The following BPTF variants were observed in gnomAD, a reference collection of about 807,000 sequenced individuals.
The protein encoded by BPTF is bromodomain PHD finger transcription factor.
In BPTF, 18 loss-of-function variants were observed where a neutral mutation model predicts 292.5. The ratio of observed to expected loss-of-function variants is 0.06; its 90% CI spans 0.04 to 0.09. The LOEUF is 0.09. Among genes scored for constraint, BPTF ranks in the 10% least tolerant of loss-of-function variants. The probability of loss-of-function intolerance (pLI) is 1.00; values close to 1 mark genes in which losing one functional copy is unlikely to be tolerated. For synonymous variants in BPTF, 1,225 were observed against 1,251.9 expected (o/e 0.98, Z 0.45); for missense variants, 2,726 against 3,498.7 (o/e 0.78, Z 5.57).
At position 67,904,829 on chromosome 17, in the gene BPTF, C is replaced by T. The variant is rs1331300950; in HGVS notation, c.2801C>T (p.Ser934Leu). The T allele has an allele frequency of 9.3e-6, 15 of 1,610,426 alleles. No homozygotes were observed. The Admixed American group carries it at 1.5e-4, about 16-fold the overall frequency. ...PGNTNVNYRKSLEGTKNNMDE... is the reference protein window; with the variant it reads ...PGNTNVNYRKLLEGTKNNMDE... ...AATACTAATGTGAATTACAGAAAGTCGTTAGAAGGAAGTAAGTAATTAAAA... is the reference window on the plus strand; with the variant it reads ...AATACTAATGTGAATTACAGAAAGTTGTTAGAAGGAAGTAAGTAATTAAAA... Residue 934 changes from serine (S) to leucine (L), a missense_variant, in exon 9 of 28, where the codon TCG (serine) becomes TTG (leucine). Coordinates refer to ENST00000306378, the MANE Select transcript of BPTF (RefSeq NM_182641.4).
At chr17:67,873,479 A>G (rs2059875806) in intron 3 of BPTF, among the ~76,000 whole-genome samples, 1 of 152,050 alleles carries the variant, frequency 6.6e-6, no homozygotes, top group African/African-American at 2.4e-5. Context: ...AAAAAGAAAA[A>G]GAAAAACCGT....
At chr17:67,981,517 A>AT in intron 27 of BPTF, 1 of 1,136,966 alleles carries the variant, frequency 8.8e-7, no homozygotes, top group South Asian at 1.8e-5. Context: ...GTACCTCGTG[A>AT]TTACCTAATT....
chr17:67,934,640 C>A (rs1468650624), intron 18 of BPTF, among the ~76,000 whole-genome samples: 1 of 151,792 alleles, frequency 6.6e-6, no homozygotes, highest in Non-Finnish European at 1.5e-5. Context: ...CATTGGGAGG[C>A]CGGCGGGTGG....
intron 19 of BPTF, among the ~76,000 whole-genome samples, chr17:67,942,027 C>T (rs1014794855): frequency 3.3e-5 from 5 of 152,214 alleles, no homozygotes; most frequent in South Asian, 4.1e-4. Context: ...AGGCAAGGTG[C>T]GGTGGCTCAC....
intron 1 of BPTF, among the ~76,000 whole-genome samples, chr17:67,838,260 A>G (rs1318528559): frequency 6.6e-6 from 1 of 152,220 alleles, no homozygotes; most frequent in Non-Finnish European, 1.5e-5. Flanking sequence ...CCCATTTTTG[A>G]GCTCTTGACA....
chr17:67,982,168 G>A (rs1346318798), intron 27 of BPTF, 84 bp from the exon 28 acceptor site: 7 of 1,248,708 alleles, frequency 5.6e-6, no homozygotes, highest in Non-Finnish European at 8.2e-6. Context: ...CTCCCAGACT[G>A]ACTGACCTTG....
chr17:67,872,672 C>T (rs1012118658), intron 3 of BPTF, among the ~76,000 whole-genome samples: 27 of 151,958 alleles, frequency 1.8e-4, no homozygotes, highest in African/African-American at 6.5e-4. Context: ...CGCCACTGCA[C>T]TCCAGCCTGG....
rs2062647807 is a variant in BPTF at position 67,911,449 on chromosome 17, A to G, written c.3565A>G (p.Ile1189Val). Residue 1189 changes from isoleucine to valine, a missense_variant, in exon 11 of 28, where the codon ATA becomes GTA. Ile to Val is a conservative substitution (Grantham distance 29, BLOSUM62 3). This residue lies in a region of BPTF where 713 missense variants were observed against 714.9 expected (regional missense o/e 1.00). Transcript: ENST00000306378. ...CPKQNSIENDIEEKVSDLASR... is the reference protein window; with the variant it reads ...CPKQNSIENDVEEKVSDLASR... Reference sequence around the variant, plus strand: ...GAAACAAAATTCCATTGAAAATGACATAGAAGAAAAAGTCTCTGACCTTGC... The same window carrying G: ...GAAACAAAATTCCATTGAAAATGACGTAGAAGAAAAAGTCTCTGACCTTGC... 5 of 1,614,042 alleles carry G rather than the reference A, an allele frequency of 3.1e-6. No individual in the cohort carries two copies. The highest frequency in any genetic ancestry group is 1.7e-5 in the Admixed American group (1 of 59,998).
chr17:67,982,472 G>A lies in BPTF; in HGVS notation c.*184G>A, dbSNP rs782657459. 8.3e-6 allele frequency: 4 copies of A among 481,360 alleles called. No individual in the cohort carries two copies. Among genetic ancestry groups the A allele is most frequent in the Admixed American group, 4.0e-5 (1 of 24,878 alleles). The allele number at this position is 481,360 out of a possible 1,614,324, so 29.8% of individuals were successfully genotyped here. A position where few individuals can be genotyped will look rare whatever the true frequency, so the allele number is the denominator to read the frequency against. ...ATTTTGTCCAACGGACAAGAAAAAA[G>A]CAAAGTCAACGACACCATTATCTTG... On this transcript the variant is annotated 3_prime_UTR_variant, in exon 28 of 28. Transcript: ENST00000306378.
chr17:67,928,712 C>G, intron 16 of BPTF, 111 bp downstream of exon 16: 1 of 1,318,990 alleles, frequency 7.6e-7, no homozygotes, highest in Non-Finnish European at 1.0e-6. Flanking sequence ...TCTTTTGCAG[C>G]CAGTTGAGCA....
At position 67,912,392 on chromosome 17, in the gene BPTF, C is replaced by A. The variant is rs771112320; in HGVS notation, c.4508C>A (p.Thr1503Asn). The change falls in exon 11 of 28, where the codon ACC becomes AAC. Residue 1503 changes from threonine to asparagine, a missense_variant. Thr to Asn is a moderately conservative substitution (Grantham distance 65). Coordinates refer to ENST00000306378, the MANE Select transcript of BPTF (RefSeq NM_182641.4). ...GGTAACTACCGAGATAGCCTTGAGA[C>A]CCTGCCATCAACCAAAGAGTCTGAC... ...AEGNYRDSLE[T>N]LPSTKESDST... 32 of 1,613,964 alleles carry A rather than the reference C, an allele frequency of 2.0e-5. No individual in the cohort carries two copies. Among genetic ancestry groups the A allele is most frequent in the Non-Finnish European group, 2.6e-5 (31 of 1,180,028 alleles).
At chr17:67,880,938 G>A (rs1369439255) in intron 4 of BPTF, among the ~76,000 whole-genome samples, 1 of 139,788 alleles carries the variant, frequency 7.2e-6, no homozygotes, top group Non-Finnish European at 1.6e-5. Flanking sequence ...TGAAGAGGGT[G>A]TATGTATATT....
intron 27 of BPTF, among the ~76,000 whole-genome samples, chr17:67,978,583 C>T (rs2069871486): frequency 6.6e-6 from 1 of 152,096 alleles, no homozygotes; most frequent in South Asian, 2.1e-4. Flanking sequence ...AGATGTGAGC[C>T]ACCGTGCCCG....
Position 67,948,777 on chromosome 17 carries a change from C to G in BPTF, c.7926+471C>G, listed in dbSNP as rs1004626697. Among the ~76,000 whole-genome samples, 3 of 152,162 alleles carry G rather than the reference C, an allele frequency of 2.0e-5. No individual in the cohort carries two copies. In the South Asian group the frequency reaches 6.2e-4, roughly 32 times the overall value. ...CCAAGACAGGCAGATCACTTGAGCCCAGAAGTTCGAGACCATCCTGGCCAA... is the reference window on the plus strand; with the variant it reads ...CCAAGACAGGCAGATCACTTGAGCCGAGAAGTTCGAGACCATCCTGGCCAA... On this transcript the variant is annotated intron_variant, in intron 23 of 27. Transcript: ENST00000306378.
intron 1 of BPTF, among the ~76,000 whole-genome samples, chr17:67,851,469 G>A (rs2058403043): frequency 1.3e-5 from 2 of 152,148 alleles, no homozygotes; most frequent in Admixed American, 1.3e-4. Flanking sequence ...CATAAGGATA[G>A]TTTCTCTAGA....
intron 11 of BPTF, 27 bp downstream of exon 11, chr17:67,913,214 G>T (rs775811681): frequency 4.6e-6 from 7 of 1,532,456 alleles, no homozygotes; most frequent in Non-Finnish European, 6.1e-6. Context: ...GTATTTGGGG[G>T]AGGGAGAAAA....
chr17:67,915,038 T>C (rs1437684650), intron 11 of BPTF, among the ~76,000 whole-genome samples: 1 of 152,238 alleles, frequency 6.6e-6, no homozygotes, highest in Non-Finnish European at 1.5e-5. Context: ...TAAAAAGCCA[T>C]GCACGTGAAA....
chr17:67,931,000 C>T (rs781606307), intron 17 of BPTF, among the ~76,000 whole-genome samples: 3 of 151,236 alleles, frequency 2.0e-5, no homozygotes, highest in Admixed American at 6.6e-5. Flanking sequence ...GATGCGGTGG[C>T]TCACACCTGT....
Position 67,944,279 on chromosome 17 carries a change from A to G in BPTF, c.6607A>G (p.Asn2203Asp), listed in dbSNP as rs1555673330. The G allele has an allele frequency of 1.2e-6, 2 of 1,614,200 alleles. No individual in the cohort carries two copies. The highest frequency in any genetic ancestry group is 1.7e-5 in the Admixed American group (1 of 60,010). ...GCAGCTAATGCAAGCTGCAATGCCAAATGGTACTGTTCAGCGATTCCTCTT... is the reference window on the plus strand; with the variant it reads ...GCAGCTAATGCAAGCTGCAATGCCAGATGGTACTGTTCAGCGATTCCTCTT... ...GQQLMQAAMP[N>D]GTVQRFLFTP... The change falls in exon 20 of 28, where the codon AAT becomes GAT. Residue 2203 changes from asparagine to aspartate, a missense_variant. Coordinates refer to ENST00000306378, the MANE Select transcript of BPTF (RefSeq NM_182641.4).
Sources: allele counts gnomAD v4.1 joint callset (sites outside exome capture counted in the v4.1 genomes callset), GRCh38; gene constraint gnomAD v4.1.1; regional missense constraint gnomAD v4.1.1; transcripts MANE v1.5; gene names NCBI Gene and HGNC (gene_info 2026-07-23, HGNC 2026-07-21).